Variants in LRRC7 observed in about 807,000 individuals in gnomAD.
LRRC7 encodes leucine-rich repeat-containing protein 7.
LRRC7 carries 23 observed loss-of-function variants against 175.7 expected under a neutral mutation model. The observed-to-expected ratio is 0.13, with a 90% CI of 0.09 to 0.19. LRRC7 has a LOEUF of 0.19. LRRC7 is among the 10% of genes least tolerant of loss of function. LRRC7 has a pLI of 1.00. For missense variants in LRRC7, 1,354 were observed against 1,904.7 expected, an observed-to-expected ratio of 0.71 and a Z score of 5.38; for synonymous variants, 685 against 680.9, an observed-to-expected ratio of 1.01 and a Z score of -0.09.
chr1:69,819,573 C>CTGTG (rs1211392847), intron 4 of LRRC7, among the ~76,000 whole-genome samples: 15 of 128,166 alleles, frequency 1.2e-4, no homozygotes, highest in Non-Finnish European at 1.3e-4. Context: ...CTCTCTCTCT[C>CTGTG]TCTCTGTGTG....
At chr1:69,989,696 G>C (rs1451906530) in intron 10 of LRRC7, among the ~76,000 whole-genome samples, 2 of 151,872 alleles carry the variant, frequency 1.3e-5, no homozygotes, top group Admixed American at 1.3e-4. Context: ...ATACAGAACA[G>C]AATAAATGGA....
intron 7 of LRRC7, among the ~76,000 whole-genome samples, chr1:69,906,256 T>C (rs573835787): frequency 6.6e-6 from 1 of 152,342 alleles, no homozygotes; most frequent in South Asian, 2.1e-4. Flanking sequence ...AGAAGCTCTT[T>C]AGTTTAATTA....
intron 1 of LRRC7, among the ~76,000 whole-genome samples, chr1:69,658,048 G>A (rs1656909265): frequency 6.6e-6 from 1 of 151,568 alleles, no homozygotes; most frequent in Non-Finnish European, 1.5e-5. Context: ...TCTTACTCAA[G>A]CCTAAAGTAA....
chr1:70,096,166 G>A (rs774590448), intron 25 of LRRC7, among the ~76,000 whole-genome samples: 7 of 152,030 alleles, frequency 4.6e-5, no homozygotes, highest in Non-Finnish European at 1.0e-4. Context: ...TAGTAGAGAT[G>A]GGGTTTCACC....
intron 25 of LRRC7, among the ~76,000 whole-genome samples, chr1:70,093,273 G>A (rs1170389460): frequency 6.6e-6 from 1 of 152,150 alleles, no homozygotes; most frequent in Non-Finnish European, 1.5e-5. Flanking sequence ...GCCTTTTATT[G>A]AGTATATACA....
At chr1:69,805,945 A>G (rs12066707) in intron 4 of LRRC7, among the ~76,000 whole-genome samples, 3,562 of 151,956 alleles carry the variant, frequency 0.023, 162 homozygotes, top group African/African-American at 0.081. Context: ...ACATAAACTG[A>G]TCAATTTTCC....
At chr1:69,603,354 C>G (rs1424659054) in intron 1 of LRRC7, among the ~76,000 whole-genome samples, 2 of 152,104 alleles carry the variant, frequency 1.3e-5, no homozygotes, top group African/African-American at 4.8e-5. Flanking sequence ...TTACGTTATC[C>G]TGGTGACATT....
chr1:69,756,532 G>A (rs929385076), intron 2 of LRRC7, among the ~76,000 whole-genome samples: 1 of 151,726 alleles, frequency 6.6e-6, no homozygotes, highest in Non-Finnish European at 1.5e-5. Flanking sequence ...AAAAATGTGG[G>A]TGTGAAATAG....
chr1:70,108,162 A>G (rs1665271622), intron 26 of LRRC7, among the ~76,000 whole-genome samples: 1 of 151,484 alleles, frequency 6.6e-6, no homozygotes, highest in Non-Finnish European at 1.5e-5. Context: ...TCCCAAACAC[A>G]GTATGTGTGT....
intron 1 of LRRC7, among the ~76,000 whole-genome samples, chr1:69,573,017 C>T (rs1457644947): frequency 1.3e-5 from 2 of 152,076 alleles, no homozygotes; most frequent in Non-Finnish European, 1.5e-5. Flanking sequence ...AATCCATGAA[C>T]ATCACTTGTC....
intron 1 of LRRC7, among the ~76,000 whole-genome samples, chr1:69,628,164 G>T (rs1465996607): frequency 2.6e-5 from 4 of 151,982 alleles, no homozygotes; most frequent in Non-Finnish European, 5.9e-5. Context: ...GGAAATAAAA[G>T]GTATATGTAT....
intron 24 of LRRC7, among the ~76,000 whole-genome samples, chr1:70,085,252 G>C (rs2102155434): frequency 6.6e-6 from 1 of 152,110 alleles, no homozygotes; most frequent in African/African-American, 2.4e-5. Flanking sequence ...TTCATCAAAG[G>C]GTTTTATAAT....
At position 70,039,088 on chromosome 1, in the gene LRRC7, C is replaced by G. The variant is rs1417770030; in HGVS notation, c.3264C>G (p.Pro1088=). The G allele has an allele frequency of 1.9e-6, 3 of 1,614,100 alleles. No homozygotes were observed. Among genetic ancestry groups the G allele is most frequent in the East Asian group, 2.2e-5 (1 of 44,832 alleles). Residue 1088 remains proline (P), a synonymous_variant, in exon 21 of 27, where the codon CCC becomes CCG. Transcript: ENST00000651989. ...TGAAAGCCGAAAAGAGGATACCACC[C>G]CCTTTTCAACACAATCCCGAGTACG... ...VEVKAEKRIP[P]PFQHNPEYVQ...
rs770213370 is a variant in LRRC7, at chr1:70,076,028, A to G, written c.4231-49A>G. Reference sequence around the variant, plus strand: ...TGTACGTGCTTTCTACTTTAATCACATCCTTTCAGCACCATGAATCTTTGC... The same window carrying G: ...TGTACGTGCTTTCTACTTTAATCACGTCCTTTCAGCACCATGAATCTTTGC... On this transcript the variant is annotated intron_variant, in intron 23 of 26. Transcript: ENST00000651989. The G allele has an allele frequency of 9.4e-6, 15 of 1,600,622 alleles. No homozygotes were observed. The Middle Eastern group carries it at 6.7e-4, about 71-fold the overall frequency.
At chr1:69,945,373 T>G (rs1649197136) in intron 8 of LRRC7, among the ~76,000 whole-genome samples, 1 of 152,086 alleles carries the variant, frequency 6.6e-6, no homozygotes, top group Non-Finnish European at 1.5e-5. Flanking sequence ...GTCTGTTCTC[T>G]GTGCCTGTAC....
intron 26 of LRRC7, among the ~76,000 whole-genome samples, chr1:70,117,880 A>G (rs1665961603): frequency 6.6e-6 from 1 of 152,132 alleles, no homozygotes; most frequent in Admixed American, 6.6e-5. Flanking sequence ...ATAAAATTTA[A>G]ATTTTTTATT....
chr1:70,118,688 C>T (rs1666022089), intron 26 of LRRC7, among the ~76,000 whole-genome samples: 1 of 152,040 alleles, frequency 6.6e-6, no homozygotes, highest in Non-Finnish European at 1.5e-5. Flanking sequence ...GGTTGTATGA[C>T]CTCAGACAAG....
intron 4 of LRRC7, among the ~76,000 whole-genome samples, chr1:69,802,479 T>C (rs1676634148): frequency 6.6e-6 from 1 of 151,452 alleles, no homozygotes; most frequent in Admixed American, 6.6e-5. Flanking sequence ...ATGTTTCTCT[T>C]TTGTTTTCAC....
At chr1:69,912,206 A>G (rs1329692604) in intron 7 of LRRC7, among the ~76,000 whole-genome samples, 5 of 149,714 alleles carry the variant, frequency 3.3e-5, no homozygotes, top group Non-Finnish European at 5.9e-5. Context: ...TATAACAAGT[A>G]ATAACTTTTT....
Sources: allele counts gnomAD v4.1 joint callset (sites outside exome capture counted in the v4.1 genomes callset), GRCh38; gene constraint gnomAD v4.1.1; transcripts MANE v1.5; gene names NCBI Gene and HGNC (gene_info 2026-07-23, HGNC 2026-07-21).